Variants in TGFA observed in about 807,000 individuals in gnomAD.
The protein encoded by TGFA is protransforming growth factor alpha.
In TGFA, 12 loss-of-function variants were observed where a neutral mutation model predicts 21.7. That is an observed-to-expected ratio of 0.55 (90% CI 0.35 to 0.90). The LOEUF is 0.90. Among genes scored for constraint, TGFA ranks in the 40% least tolerant of loss-of-function variants. TGFA has a pLI of 0.01. For synonymous variants in TGFA, 79 were observed against 88.1 expected, an observed-to-expected ratio of 0.90 and a Z score of 0.58; for missense variants, 178 against 210.8, an observed-to-expected ratio of 0.84 and a Z score of 0.96.
intron 2 of TGFA, among the ~76,000 whole-genome samples, chr2:70,479,390 G>GA (rs1307218934): frequency 6.6e-6 from 1 of 152,174 alleles, no homozygotes; most frequent in Non-Finnish European, 1.5e-5. Context: ...TGTAGTTGAT[G>GA]AAAAAACTGA....
At chr2:70,551,548 A>G (rs1255894994) in intron 1 of TGFA, among the ~76,000 whole-genome samples, 10 of 152,240 alleles carry the variant, frequency 6.6e-5, no homozygotes, top group African/African-American at 2.4e-4. Flanking sequence ...ACTATTTAAG[A>G]AAAATCAGAG....
chr2:70,507,104 T>C (rs1671948400), intron 2 of TGFA, among the ~76,000 whole-genome samples: 1 of 152,210 alleles, frequency 6.6e-6, no homozygotes, highest in South Asian at 2.1e-4. Flanking sequence ...GCTACAAAAA[T>C]GGGTGTCCCT....
intron 1 of TGFA, among the ~76,000 whole-genome samples, chr2:70,530,492 C>G (rs1672782478): frequency 6.6e-6 from 1 of 152,128 alleles, no homozygotes; most frequent in South Asian, 2.1e-4. Flanking sequence ...AGCTGATAAG[C>G]CAAAAATAAA....
chr2:70,541,868 C>A (rs1384368640), intron 1 of TGFA, among the ~76,000 whole-genome samples: 10 of 152,192 alleles, frequency 6.6e-5, no homozygotes, highest in Admixed American at 1.3e-4. Flanking sequence ...CTAATTATAA[C>A]ACCCTAGGTC....
intron 2 of TGFA, 22 bp downstream of exon 2, chr2:70,514,837 C>T (rs781815302): frequency 6.2e-7 from 1 of 1,613,506 alleles, no homozygotes; most frequent in Admixed American, 1.7e-5. Flanking sequence ...ACGATCCACA[C>T]ACCCACGGCA....
intron 4 of TGFA, among the ~76,000 whole-genome samples, chr2:70,454,986 C>T (rs1193911288): frequency 6.6e-6 from 1 of 152,226 alleles, no homozygotes. Context: ...CACACAGCTA[C>T]TGGCCATGAG....
chr2:70,551,912 T>A (rs2103964262), intron 1 of TGFA, among the ~76,000 whole-genome samples: 1 of 151,918 alleles, frequency 6.6e-6, no homozygotes, highest in Admixed American at 6.6e-5. Flanking sequence ...GGGATGGGAG[T>A]GTGGGGTGTA....
rs1553488921 is a variant in TGFA, at chr2:70,447,763, G to A, written c.*3096C>T. 6.6e-6 allele frequency: 1 copy of A among 152,174 alleles called. No individual in the cohort carries two copies. Among genetic ancestry groups the A allele is most frequent in the African/African-American group, 2.4e-5 (1 of 41,430 alleles). 9.4% of individuals were successfully genotyped at this position (152,174 alleles called of 1,614,324 possible). On this transcript the variant is annotated 3_prime_UTR_variant, in exon 6 of 6. Transcript: ENST00000295400. Reference sequence around the variant, plus strand: ...CATGTTTGTCTTACTTCTGCAATGTGTTCTTGGTTTTGGGCATTTGAGTCA... The same window carrying A: ...CATGTTTGTCTTACTTCTGCAATGTATTCTTGGTTTTGGGCATTTGAGTCA...
At chr2:70,530,614 G>T (rs1553503617) in intron 1 of TGFA, among the ~76,000 whole-genome samples, 1 of 152,232 alleles carries the variant, frequency 6.6e-6, no homozygotes, top group Non-Finnish European at 1.5e-5. Flanking sequence ...GACAACCTTT[G>T]TCTAAGGTAA....
chr2:70,515,128 A>G lies in TGFA; in HGVS notation c.41-216T>C, dbSNP rs553064078. Among the ~76,000 whole-genome samples the G allele has an allele frequency of 4.6e-5, 7 of 152,318 alleles. No individual in the cohort carries two copies. The South Asian group carries it at 8.3e-4, about 18-fold the overall frequency. On this transcript the variant is annotated intron_variant, in intron 1 of 5. Coordinates refer to ENST00000295400, the MANE Select transcript of TGFA (RefSeq NM_003236.4). ...TAAGAAGAAAATGCCCATGAAAAGC[A>G]CTGAAATCCAGAGCCTTCCACTTCT...
At chr2:70,515,155 C>G (rs1672233486) in intron 1 of TGFA, among the ~76,000 whole-genome samples, 1 of 152,200 alleles carries the variant, frequency 6.6e-6, no homozygotes, top group African/African-American at 2.4e-5. Flanking sequence ...TCCACTTCTT[C>G]CCAGTCTCTC....
At position 70,448,173 on chromosome 2, in the gene TGFA, C is replaced by T. The variant is rs923527729; in HGVS notation, c.*2686G>A. On this transcript the variant is annotated 3_prime_UTR_variant, in exon 6 of 6. Coordinates refer to ENST00000295400, the MANE Select transcript of TGFA (RefSeq NM_003236.4). ...CACGTGTGTCCAGCCGGGGCCCTGT[C>T]TTCCAGATCAGGGTTGGCTGCTGTC... 8.5e-5 allele frequency: 13 copies of T among 152,172 alleles called. No individual in the cohort carries two copies. Among genetic ancestry groups the T allele is most frequent in the Non-Finnish European group, 1.6e-4 (11 of 68,040 alleles). 9.4% of individuals were successfully genotyped at this position (152,172 alleles called of 1,614,324 possible).
intron 2 of TGFA, among the ~76,000 whole-genome samples, chr2:70,505,644 G>A (rs1553500038): frequency 6.6e-6 from 1 of 151,958 alleles, no homozygotes; most frequent in Non-Finnish European, 1.5e-5. Flanking sequence ...CCCTAAAAGA[G>A]GGATTCCTCC....
intron 2 of TGFA, among the ~76,000 whole-genome samples, chr2:70,502,097 A>G (rs1184353817): frequency 1.3e-5 from 2 of 152,272 alleles, no homozygotes; most frequent in East Asian, 3.9e-4. Context: ...TCCACACAGC[A>G]GCCCTGGTGG....
intron 1 of TGFA, among the ~76,000 whole-genome samples, chr2:70,530,688 G>A (rs1214869523): frequency 2.6e-5 from 4 of 152,172 alleles, no homozygotes; most frequent in East Asian, 1.9e-4. Context: ...AGATGACAAC[G>A]GCTATGCCCA....
At chr2:70,480,713 C>T (rs578234963) in intron 2 of TGFA, among the ~76,000 whole-genome samples, 1 of 152,278 alleles carries the variant, frequency 6.6e-6, no homozygotes, top group Non-Finnish European at 1.5e-5. Context: ...GAATCCCCAG[C>T]AAAGCATCAG....
chr2:70,476,396 CCTG>C (rs1670936352), intron 2 of TGFA, among the ~76,000 whole-genome samples: 2 of 152,222 alleles, frequency 1.3e-5, no homozygotes, highest in South Asian at 4.1e-4. Context: ...GGAGCCCAGT[CCTG>C]CTGGATGGGG....
chr2:70,516,281 C>T (rs1249269555), intron 1 of TGFA, among the ~76,000 whole-genome samples: 3 of 152,204 alleles, frequency 2.0e-5, no homozygotes, highest in Non-Finnish European at 2.9e-5. Context: ...GTTACAGGAT[C>T]GATGCAGCCC....
intron 2 of TGFA, among the ~76,000 whole-genome samples, chr2:70,501,109 G>T (rs1224705573): frequency 6.6e-6 from 1 of 152,004 alleles, no homozygotes; most frequent in Admixed American, 6.6e-5. Flanking sequence ...TGCGATGAGG[G>T]TCTTAAGTAC....
Sources: gnomAD v4.1 joint callset for allele counts (sites outside exome capture counted in the v4.1 genomes callset) on GRCh38, gnomAD v4.1.1 for gene constraint, MANE v1.5 for transcripts, NCBI Gene and HGNC (gene_info 2026-07-23, HGNC 2026-07-21) for gene names.